MARK4: variants seen among roughly 807,000 people sequenced by gnomAD.
MARK4 encodes microtubule affinity regulating kinase 4, also known as MAP/microtubule affinity-regulating kinase 4.
MARK4 carries 19 observed loss-of-function variants against 81.5 expected under a neutral mutation model. The observed-to-expected ratio is 0.23, with a 90% CI of 0.16 to 0.34. The LOEUF (loss-of-function observed/expected upper bound fraction) is 0.34. MARK4 is among the 10% of genes least tolerant of loss of function. MARK4 has a pLI of 1.00. For synonymous variants in MARK4, 436 were observed against 439.0 expected, an observed-to-expected ratio of 0.99 and a Z score of 0.08; for missense variants, 772 against 1,058.8, an observed-to-expected ratio of 0.73 and a Z score of 3.76.
chr19:45,261,359 C>T (rs531258552), intron 2 of MARK4, among the ~76,000 whole-genome samples: 1 of 152,266 alleles, frequency 6.6e-6, no homozygotes, highest in East Asian at 1.9e-4. Context: ...TGTGTGATGA[C>T]GAAACTGGCT....
intron 6 of MARK4, 108 bp from the exon 7 acceptor site, chr19:45,266,117 T>C (rs758090854): frequency 1.9e-5 from 21 of 1,097,932 alleles, no homozygotes; most frequent in Non-Finnish European, 2.8e-5. Flanking sequence ...GATCTCAGGC[T>C]GTGCCTTGGG....
At chr19:45,298,260 C>T (rs772833057) in intron 15 of MARK4, 3 of 1,601,508 alleles carry the variant, frequency 1.9e-6, no homozygotes, top group South Asian at 2.2e-5. Context: ...CTGGCTCTGC[C>T]TCCCTGCCTG....
chr19:45,266,477 G>T (rs1362902716), intron 7 of MARK4, among the ~76,000 whole-genome samples, 196 bp downstream of exon 7: 1 of 152,052 alleles, frequency 6.6e-6, no homozygotes, highest in Non-Finnish European at 1.5e-5. Flanking sequence ...CAGCAGATGG[G>T]GGAGCGGATG....
Position 45,287,462 on chromosome 19 carries a change from C to T in MARK4, c.1292C>T (p.Ala431Val), listed in dbSNP as rs1477561155. The stretch of plus-strand genomic sequence containing the variant: ...CCTCCCCCAGGTGGCCCATCCCCTG[C>T]ACCCCTGCACCCCAAACGCAGCCCG... The part of the protein sequence containing the change: ...RHSDFCGPSP[A>V]PLHPKRSPTS... The change falls in exon 13 of 17, where the codon GCA becomes GTA. Residue 431 changes from alanine to valine, a missense_variant. Around this residue, in one of 3 missense-constraint regions of MARK4, gnomAD observed 548 missense variants for 624.3 expected, o/e 0.88. Coordinates refer to ENST00000262891, the MANE Select transcript of MARK4 (RefSeq NM_001199867.2). 6.9e-7 allele frequency: 1 copy of T among 1,452,260 alleles called. No homozygotes were observed. Among genetic ancestry groups the T allele is most frequent in the South Asian group, 1.5e-5 (1 of 68,412 alleles). The allele number at this position is 1,452,260 out of a possible 1,614,324, so 90.0% of individuals were successfully genotyped here.
In MARK4 at chr19:45,271,181, T is replaced by C. The variant is rs1392055416; in HGVS notation, c.550-291T>C. Among the ~76,000 whole-genome samples the C allele has an allele frequency of 6.6e-6, 1 of 152,192 alleles. No individual in the cohort carries two copies. Among genetic ancestry groups the C allele is most frequent in the African/African-American group, 2.4e-5 (1 of 41,456 alleles). ...TTGGCCTCCCAAAGTGCTGGTATTA[T>C]AGGCGTGAGCCACTATGTCTGGCCT... is the stretch of plus-strand genomic sequence containing the variant. On this transcript the variant is annotated intron_variant, in intron 7 of 16. Transcript: ENST00000262891. The surrounding 1 kb of genome is among the most constrained non-coding windows in gnomAD (Gnocchi z 4.1).
intron 12 of MARK4, among the ~76,000 whole-genome samples, chr19:45,281,310 A>G (rs1970670817): frequency 6.7e-6 from 1 of 148,416 alleles, no homozygotes; most frequent in African/African-American, 2.5e-5. Context: ...CGGCCTCCCA[A>G]AGTGCTGGCA....
At chr19:45,287,686 G>T (rs748139255) in intron 13 of MARK4, 22 bp downstream of exon 13, 25 of 1,597,534 alleles carry the variant, frequency 1.6e-5, no homozygotes, top group Non-Finnish European at 2.0e-5. Context: ...GGGCTGGGGG[G>T]CAGGGCTGGG....
chr19:45,303,895 GTTTGCCCTGGGCAAAAGCCCAGA>G lies in MARK4; in HGVS notation c.*1186_*1208del. On this transcript the variant is annotated 3_prime_UTR_variant, in exon 17 of 17. Coordinates refer to ENST00000262891, the MANE Select transcript of MARK4 (RefSeq NM_001199867.2). ...TGAGTAGGAGTTAGTTAGGCATTGA[GTTTGCCCTGGGCAAAAGCCCAGA>G]AGTGGGAGTATGTGGTATATCTTCA... is the stretch of plus-strand genomic sequence containing the variant. The G allele has an allele frequency of 6.6e-6, 1 of 152,372 alleles. No individual in the cohort carries two copies. Among genetic ancestry groups the G allele is most frequent in the South Asian group, 2.1e-4 (1 of 4,832 alleles). The allele number at this position is 152,372 out of a possible 1,614,324, so 9.4% of individuals were successfully genotyped here.
In MARK4 at chr19:45,280,715, G is replaced by T; in HGVS notation, c.1257G>T (p.Gln419His). The change falls in exon 12 of 17, where the codon CAG becomes CAT. Residue 419 changes from glutamine to histidine, a missense_variant. Transcript: ENST00000262891. ...GTTCCTCTTCCACCTACCACCGCCA[G>T]CGCAGGCATAGCGATTTCTGTGAGT... Reference protein sequence around the residue: ...QRSSSSTYHRQRRHSDFCGPS... With the variant: ...QRSSSSTYHRHRRHSDFCGPS... 6.2e-7 allele frequency: 1 copy of T among 1,614,140 alleles called. No individual in the cohort carries two copies. The highest frequency in any genetic ancestry group is 1.3e-5 in the African/African-American group (1 of 75,040).
At chr19:45,257,351 T>C (rs900333863) in intron 1 of MARK4, among the ~76,000 whole-genome samples, 1 of 151,818 alleles carries the variant, frequency 6.6e-6, no homozygotes, top group African/African-American at 2.4e-5. Context: ...CTCAGTAGAC[T>C]GCAGTATGAT....
rs1970520053 is a variant in MARK4, at chr19:45,271,018, C to T, written c.550-454C>T. On this transcript the variant is annotated intron_variant, in intron 7 of 16. Coordinates refer to ENST00000262891, the MANE Select transcript of MARK4 (RefSeq NM_001199867.2). This position sits in a 1 kb window ranked among gnomAD's most constrained non-coding sequence, Gnocchi z 4.1. Reference sequence around the variant, plus strand: ...CTCCCAACCTCAGGTGATCTGCCCACCTCGGCTTCCCAAAGTTCTGCGATT... The same window carrying T: ...CTCCCAACCTCAGGTGATCTGCCCATCTCGGCTTCCCAAAGTTCTGCGATT... Among the ~76,000 whole-genome samples the T allele has an allele frequency of 6.6e-6, 1 of 152,216 alleles. No homozygotes were observed. The highest frequency in any genetic ancestry group is 2.4e-5 in the African/African-American group (1 of 41,458).
chr19:45,296,745 G>C (rs1970892505), intron 14 of MARK4, among the ~76,000 whole-genome samples: 1 of 152,180 alleles, frequency 6.6e-6, no homozygotes, highest in Admixed American at 6.5e-5. Flanking sequence ...GGAGTCCCTG[G>C]GAGGATAGAA....
chr19:45,277,882 G>A (rs759177586), intron 8 of MARK4, 41 bp from the exon 9 acceptor site: 3 of 1,583,782 alleles, frequency 1.9e-6, no homozygotes, highest in South Asian at 2.3e-5. Context: ...ATAGGTGGGG[G>A]GCGGGGCAGA....
intron 7 of MARK4, among the ~76,000 whole-genome samples, chr19:45,267,824 C>A (rs1476184138): frequency 6.9e-6 from 1 of 145,216 alleles, no homozygotes; most frequent in Admixed American, 6.8e-5. Context: ...CAAAGCCTGG[C>A]TAATTTTTGA....
chr19:45,259,634 G>T (rs948348937), intron 2 of MARK4, among the ~76,000 whole-genome samples: 1 of 151,884 alleles, frequency 6.6e-6, no homozygotes, highest in African/African-American at 2.4e-5. Context: ...AATTAGCTGG[G>T]TGCGGTGGTG....
intron 1 of MARK4, among the ~76,000 whole-genome samples, chr19:45,255,734 G>C (rs1233583704): frequency 1.3e-5 from 2 of 152,182 alleles, no homozygotes; most frequent in Non-Finnish European, 2.9e-5. Context: ...AAGTGGCCCG[G>C]CAGTGTCTTT....
At chr19:45,288,573 A>C (rs1194049312) in intron 13 of MARK4, 1 of 149,000 alleles carries the variant, frequency 6.7e-6, no homozygotes, top group East Asian at 1.9e-4. Context: ...AAAAAAAGCC[A>C]GGTGCAATGG....
intron 13 of MARK4, among the ~76,000 whole-genome samples, chr19:45,293,891 A>G (rs1970850949): frequency 6.6e-6 from 1 of 152,132 alleles, no homozygotes. Context: ...ATGAACTGAC[A>G]CCTGAAAGAT....
At chr19:45,281,724 T>A (rs1970677152) in intron 12 of MARK4, among the ~76,000 whole-genome samples, 1 of 152,186 alleles carries the variant, frequency 6.6e-6, no homozygotes, top group South Asian at 2.1e-4. Flanking sequence ...GATGAAGCTC[T>A]GATATCAGAG....
Sources: allele counts gnomAD v4.1 joint callset (sites outside exome capture counted in the v4.1 genomes callset), GRCh38; gene constraint gnomAD v4.1.1; regional missense constraint gnomAD v4.1.1; non-coding constraint Gnocchi (gnomAD v3.1); transcripts MANE v1.5; gene names NCBI Gene and HGNC (gene_info 2026-07-23, HGNC 2026-07-21).